The following NLRC5 variants were observed in gnomAD, a reference collection of about 807,000 sequenced individuals.
NLRC5 encodes NLR family CARD domain containing 5.
A neutral mutation model predicts 206.9 loss-of-function variants in NLRC5; 114 were observed. The ratio of observed to expected loss-of-function variants is 0.55; its 90% CI spans 0.47 to 0.64. The LOEUF (loss-of-function observed/expected upper bound fraction) is 0.64, where lower values mean the gene tolerates loss of function less well. NLRC5 is among the 30% of genes least tolerant of loss of function. The probability of loss-of-function intolerance (pLI) is 0.00; values close to 1 mark genes in which losing one functional copy is unlikely to be tolerated. For missense variants in NLRC5, 2,008 were observed against 2,305.5 expected, an observed-to-expected ratio of 0.87 and a Z score of 2.64; for synonymous variants, 952 against 962.8, an observed-to-expected ratio of 0.99 and a Z score of 0.21.
At chr16:56,991,580 C>T (rs539891201) in intron 1 of NLRC5, among the ~76,000 whole-genome samples, 4 of 151,508 alleles carry the variant, frequency 2.6e-5, no homozygotes, top group Non-Finnish European at 4.4e-5. Flanking sequence ...TGGGGTTTCA[C>T]TATGTTCGCC....
rs13339323 is a variant in NLRC5 at position 57,027,140 on chromosome 16, G to T, written c.2075+122G>T. On this transcript the variant is annotated intron_variant, in intron 6 of 48. Transcript: ENST00000688547. Reference sequence around the variant, plus strand: ...GAATCTTGAATATCAGAACATAATGGCCTGCAATGCAAGAGAGGAAGCTCC... The same window carrying T: ...GAATCTTGAATATCAGAACATAATGTCCTGCAATGCAAGAGAGGAAGCTCC... 2.2e-3 allele frequency: 2,613 copies of T among 1,174,776 alleles called. 44 individuals carry two copies. The African/African-American group carries it at 0.035, about 16-fold the overall frequency. The allele number at this position is 1,174,776 out of a possible 1,614,324, so 72.8% of individuals were successfully genotyped here.
chr16:57,013,797 G>A (rs2142717841), intron 1 of NLRC5: 1 of 704,702 alleles, frequency 1.4e-6, no homozygotes, highest in East Asian at 2.5e-5. Flanking sequence ...TCACCCAGAA[G>A]CGCAACTGAA....
chr16:57,006,395 A>G (rs543035042), intron 1 of NLRC5, among the ~76,000 whole-genome samples: 195 of 141,358 alleles, frequency 1.4e-3, no homozygotes, highest in African/African-American at 4.6e-3. Flanking sequence ...ATCATTCCAT[A>G]AAGTTCATCT....
At chr16:57,030,424 ATGGG>A (rs1567564013) in intron 10 of NLRC5, among the ~76,000 whole-genome samples, 8 of 125,498 alleles carry the variant, frequency 6.4e-5, no homozygotes, top group African/African-American at 1.8e-4. Context: ...GAAAAGATGG[ATGGG>A]TGGATGAAAA....
At chr16:57,047,862 C>G in intron 23 of NLRC5, 1 of 567,550 alleles carries the variant, frequency 1.8e-6, no homozygotes, top group Non-Finnish European at 3.2e-6. Context: ...GGGAAGCCTT[C>G]ACCTGCACCA....
chr16:57,046,330 G>A lies in NLRC5; in HGVS notation c.3249-222G>A, dbSNP rs1477141559. Among the ~76,000 whole-genome samples the A allele has an allele frequency of 3.9e-5, 6 of 152,294 alleles. No homozygotes were observed. The South Asian group carries it at 8.3e-4, about 21-fold the overall frequency. ...TTTCTAACTCAGGCTTCCCTTCCCT[G>A]AGCCTCAGTTTCCCCATCTGAACAA... On this transcript the variant is annotated intron_variant, in intron 21 of 48. Transcript: ENST00000688547.
Position 57,020,866 on chromosome 16 carries a change from CAG to C in NLRC5, c.159_160del (p.Arg53SerfsTer44). On this transcript the variant is annotated frameshift_variant, in exon 3 of 49. Transcript: ENST00000688547. LOFTEE classifies it high-confidence loss of function. Reference sequence around the variant, plus strand: ...CAGGAACGAGACCTTGGACCCTGAACAGAGAGTCATCCTGCAACTCAACAAGC... The same window carrying C: ...CAGGAACGAGACCTTGGACCCTGAACAGAGTCATCCTGCAACTCAACAAGC... ...DSRNETLDPE[Q>X]RVILQLNKLH... is the part of the protein sequence containing the mutation. 1 of 1,613,804 alleles carries C rather than the reference CAG, an allele frequency of 6.2e-7. No homozygotes were observed. The highest frequency in any genetic ancestry group is 1.1e-5 in the South Asian group (1 of 91,058).
chr16:57,022,229 C>T, intron 3 of NLRC5, 27 bp from the exon 4 acceptor site: 1 of 1,594,218 alleles, frequency 6.3e-7, no homozygotes, highest in South Asian at 1.1e-5. Flanking sequence ...AGCCCCATAC[C>T]ACATTATACT....
chr16:57,036,501 T>C (rs928513615), intron 14 of NLRC5, among the ~76,000 whole-genome samples: 15 of 149,634 alleles, frequency 1.0e-4, no homozygotes, highest in African/African-American at 3.2e-4. Flanking sequence ...TCAGGGTGGG[T>C]GGGATGTTGC....
At chr16:57,066,712 AG>A in intron 34 of NLRC5, 98 bp downstream of exon 34, 1 of 1,099,582 alleles carries the variant, frequency 9.1e-7, no homozygotes, top group Non-Finnish European at 1.4e-6. Flanking sequence ...CAGAGACCTT[AG>A]GGGTTCGAAG....
intron 38 of NLRC5, among the ~76,000 whole-genome samples, chr16:57,071,728 G>T (rs1183959589): frequency 7.0e-6 from 1 of 142,908 alleles, no homozygotes; most frequent in Non-Finnish European, 1.5e-5. Flanking sequence ...ATGGGGAAGG[G>T]GGTGAGTAAG....
At chr16:57,006,439 G>A (rs55865067) in intron 1 of NLRC5, among the ~76,000 whole-genome samples, 11 of 19,106 alleles carry the variant, frequency 5.8e-4, no homozygotes, top group South Asian at 4.1e-3. Context: ...TTTTTTTTGA[G>A]ACAGGGTTTC....
At chr16:57,053,953 G>C (rs1390971909) in intron 24 of NLRC5, among the ~76,000 whole-genome samples, 1 of 152,154 alleles carries the variant, frequency 6.6e-6, no homozygotes, top group Non-Finnish European at 1.5e-5. Flanking sequence ...GCTGATCACT[G>C]CTGGGGTGGG....
chr16:57,062,777 T>C (rs1330900172), intron 32 of NLRC5: 1 of 152,302 alleles, frequency 6.6e-6, no homozygotes, highest in Non-Finnish European at 1.5e-5. Flanking sequence ...ATAACAAAAT[T>C]TGCCATCTTA....
In NLRC5 at chr16:57,022,294, C is replaced by T; in HGVS notation, c.334C>T (p.Pro112Ser). The change falls in exon 4 of 49, where the codon CCT becomes TCT. Residue 112 changes from proline (P) to serine (S), a missense_variant. Coordinates refer to ENST00000688547, the MANE Select transcript of NLRC5 (RefSeq NM_001384950.1). ...SQLGAEGKSQPESQLHHGLKR... is the reference protein window; with the variant it reads ...SQLGAEGKSQSESQLHHGLKR... Reference sequence around the variant, plus strand: ...GCTGGGAGCTGAGGGGAAAAGCCAACCTGAATCTCAGCTCCACCATGGTGA... The same window carrying T: ...GCTGGGAGCTGAGGGGAAAAGCCAATCTGAATCTCAGCTCCACCATGGTGA... 6.2e-7 allele frequency: 1 copy of T among 1,611,972 alleles called. No individual in the cohort carries two copies. Among genetic ancestry groups the T allele is most frequent in the Non-Finnish European group, 8.5e-7 (1 of 1,178,262 alleles).
chr16:56,999,488 C>T (rs1385999933), intron 1 of NLRC5, among the ~76,000 whole-genome samples: 1 of 152,260 alleles, frequency 6.6e-6, no homozygotes, highest in East Asian at 1.9e-4. Context: ...CCCTGCCTTA[C>T]TTACCAAACC....
intron 38 of NLRC5, among the ~76,000 whole-genome samples, chr16:57,071,923 C>T (rs868313487): frequency 5.9e-5 from 9 of 152,044 alleles, no homozygotes; most frequent in South Asian, 2.1e-4. Flanking sequence ...GAACACAAAC[C>T]GCCATGTTTC....
intron 5 of NLRC5, among the ~76,000 whole-genome samples, chr16:57,024,921 G>A (rs2061113613): frequency 6.6e-6 from 1 of 152,126 alleles, no homozygotes; most frequent in Admixed American, 6.5e-5. Context: ...GAGGCAGGAG[G>A]ATCACTTGAG....
chr16:57,081,349 C>T, intron 47 of NLRC5, 168 bp downstream of exon 47: 3 of 891,608 alleles, frequency 3.4e-6, no homozygotes, highest in South Asian at 3.2e-5. Context: ...TGGGTTCTAG[C>T]CTTCAGCCTT....
Sources: gnomAD v4.1 joint callset for allele counts (sites outside exome capture counted in the v4.1 genomes callset) on GRCh38, gnomAD v4.1.1 for gene constraint, MANE v1.5 for transcripts, NCBI Gene and HGNC (gene_info 2026-07-23, HGNC 2026-07-21) for gene names.